The following IQCB1 variants were observed in gnomAD, a reference collection of about 807,000 sequenced individuals.
IQCB1 encodes IQ calmodulin-binding motif-containing protein 1.
IQCB1 carries 56 observed loss-of-function variants against 84.4 expected under a neutral mutation model. That is an observed-to-expected ratio of 0.66 (90% CI 0.54 to 0.83). The LOEUF (loss-of-function observed/expected upper bound fraction) is 0.83. Ranked by LOEUF, IQCB1 falls within the 40% of genes least tolerant of loss-of-function variation. The pLI is 0.00. For missense variants in IQCB1, 629 were observed against 682.1 expected (o/e 0.92, Z 0.87); for synonymous variants, 210 against 234.8 (o/e 0.89, Z 0.96).
At chr3:121,817,858 A>T (rs1950132256) in intron 5 of IQCB1, among the ~76,000 whole-genome samples, 1 of 152,066 alleles carries the variant, frequency 6.6e-6, no homozygotes, top group Admixed American at 6.6e-5. Flanking sequence ...GAAGGAAAAG[A>T]CATGAAAGAG....
At chr3:121,819,642 T>C (rs976031957) in intron 5 of IQCB1, among the ~76,000 whole-genome samples, 2 of 152,226 alleles carry the variant, frequency 1.3e-5, no homozygotes, top group Non-Finnish European at 2.9e-5. Context: ...TTAATAATTA[T>C]GCTTTTTCAA....
intron 13 of IQCB1, among the ~76,000 whole-genome samples, chr3:121,780,789 T>C (rs1010943293): frequency 1.8e-4 from 28 of 152,206 alleles, no homozygotes; most frequent in Admixed American, 1.2e-3. Flanking sequence ...TCCCTAAATA[T>C]CACATCAAGC....
chr3:121,798,463 A>G (rs2108569315), intron 8 of IQCB1, among the ~76,000 whole-genome samples: 1 of 152,002 alleles, frequency 6.6e-6, no homozygotes, highest in East Asian at 1.9e-4. Flanking sequence ...AAACAAAGAT[A>G]ACATATAACT....
At chr3:121,834,034 A>C (rs1708109519) in intron 2 of IQCB1, 1 of 152,248 alleles carries the variant, frequency 6.6e-6, no homozygotes, top group African/African-American at 2.4e-5. Context: ...ATTAGCTGGC[A>C]CAAAGTCACA....
At chr3:121,827,209 G>A (rs1356700008) in intron 4 of IQCB1, among the ~76,000 whole-genome samples, 1 of 151,854 alleles carries the variant, frequency 6.6e-6, no homozygotes, top group Non-Finnish European at 1.5e-5. Flanking sequence ...AACAAACATT[G>A]AGTATGCAAT....
intron 5 of IQCB1, among the ~76,000 whole-genome samples, chr3:121,815,545 CA>C (rs944718812): frequency 1.3e-5 from 2 of 152,116 alleles, no homozygotes; most frequent in African/African-American, 4.8e-5. Flanking sequence ...AGCTGATAAG[CA>C]ACTTCAGCAA....
chr3:121,799,423 G>C (rs758858428), intron 7 of IQCB1, 49 bp from the exon 8 acceptor site: 1 of 1,117,540 alleles, frequency 8.9e-7, no homozygotes. Context: ...TTGATGTACA[G>C]GTATCACAAC....
At position 121,772,677 on chromosome 3, in the gene IQCB1, G is replaced by A; in HGVS notation, c.1447C>T (p.His483Tyr). The A allele has an allele frequency of 2.5e-6, 4 of 1,614,144 alleles. No individual in the cohort carries two copies. Among genetic ancestry groups the A allele is most frequent in the Non-Finnish European group, 3.4e-6 (4 of 1,180,004 alleles). The change falls in exon 14 of 15, where the codon CAT becomes TAT. Residue 483 changes from histidine to tyrosine, a missense_variant. His to Tyr is a moderately conservative substitution (Grantham distance 83, BLOSUM62 2). Transcript: ENST00000310864. ...TGCAGTCGTTCTTGAGCTTGGGCATGGAGCTCCCTACTGACCACATCTGAC... is the reference window on the plus strand; with the variant it reads ...TGCAGTCGTTCTTGAGCTTGGGCATAGAGCTCCCTACTGACCACATCTGAC... ...PMSDVVSREL[H>Y]AQAQERLQHY...
At chr3:121,809,769 G>C (rs999186825) in intron 5 of IQCB1, among the ~76,000 whole-genome samples, 8 of 152,066 alleles carry the variant, frequency 5.3e-5, no homozygotes, top group Admixed American at 1.3e-4. Context: ...TGGAATGTTG[G>C]ATAAAGGTCA....
At chr3:121,788,553 A>T in intron 11 of IQCB1, 121 bp from the exon 12 acceptor site, 1 of 995,262 alleles carries the variant, frequency 1.0e-6, no homozygotes, top group Non-Finnish European at 1.6e-6. Flanking sequence ...TTGTTCACTA[A>T]TTTTCCCAAT....
At chr3:121,821,313 T>C (rs1186939549) in intron 5 of IQCB1, among the ~76,000 whole-genome samples, 1 of 152,230 alleles carries the variant, frequency 6.6e-6, no homozygotes, top group Non-Finnish European at 1.5e-5. Context: ...CTGGTAGGAA[T>C]CTGCACTGGG....
intron 5 of IQCB1, among the ~76,000 whole-genome samples, chr3:121,813,852 T>C (rs567644226): frequency 3.3e-5 from 5 of 152,244 alleles, no homozygotes; most frequent in African/African-American, 9.6e-5. Flanking sequence ...CTGTCAATAT[T>C]AGACAGATCA....
intron 12 of IQCB1, among the ~76,000 whole-genome samples, chr3:121,784,120 T>A (rs931011001): frequency 1.8e-4 from 27 of 152,266 alleles, no homozygotes; most frequent in Admixed American, 1.6e-3. Flanking sequence ...CCATCTTCTG[T>A]TTTTTCTTGT....
At chr3:121,808,575 G>A (rs1559784580) in intron 6 of IQCB1, among the ~76,000 whole-genome samples, 1 of 151,896 alleles carries the variant, frequency 6.6e-6, no homozygotes, top group Non-Finnish European at 1.5e-5. Context: ...TTTCTCTCAT[G>A]ATAGGTCTAA....
At chr3:121,822,806 A>C (rs1223161089) in intron 5 of IQCB1, among the ~76,000 whole-genome samples, 1 of 152,202 alleles carries the variant, frequency 6.6e-6, no homozygotes, top group Admixed American at 6.5e-5. Context: ...CCACAGGAAC[A>C]ATTGATCTGC....
chr3:121,813,123 T>C (rs1949898038), intron 5 of IQCB1, among the ~76,000 whole-genome samples: 1 of 152,168 alleles, frequency 6.6e-6, no homozygotes, highest in Non-Finnish European at 1.5e-5. Context: ...ATCTACACTC[T>C]TAAAGAAAAT....
intron 7 of IQCB1, 150 bp from the exon 8 acceptor site, chr3:121,799,524 G>A (rs529212671): frequency 1.6e-5 from 10 of 606,320 alleles, no homozygotes; most frequent in Admixed American, 2.9e-5. Context: ...TTGGTTCCAA[G>A]AAGATATCAT....
At chr3:121,810,546 T>C (rs1196468263) in intron 5 of IQCB1, among the ~76,000 whole-genome samples, 1 of 151,744 alleles carries the variant, frequency 6.6e-6, no homozygotes, top group African/African-American at 2.4e-5. Context: ...TGAATAAGTA[T>C]ATTTATAATG....
intron 13 of IQCB1, 77 bp from the exon 14 acceptor site, chr3:121,772,790 T>C: frequency 5.4e-6 from 7 of 1,285,506 alleles, no homozygotes; most frequent in East Asian, 2.3e-5. Context: ...GCAGAGGTTT[T>C]AGACTGCTTA....
Sources: allele counts gnomAD v4.1 joint callset (sites outside exome capture counted in the v4.1 genomes callset), GRCh38; gene constraint gnomAD v4.1.1; transcripts MANE v1.5; gene names NCBI Gene and HGNC (gene_info 2026-07-23, HGNC 2026-07-21).